The following FGFR1 variants were observed in gnomAD, a reference collection of about 807,000 sequenced individuals.
FGFR1 encodes the protein FGFR1/PLAG1 fusion.
In FGFR1, 18 loss-of-function variants were observed where a neutral mutation model predicts 93.7. That is an observed-to-expected ratio of 0.19 (90% CI 0.13 to 0.28). The LOEUF is 0.28. FGFR1 is among the 10% of genes least tolerant of loss of function. FGFR1 has a pLI of 1.00. For missense variants in FGFR1, 731 were observed against 1,080.4 expected, an observed-to-expected ratio of 0.68 and a Z score of 4.53; for synonymous variants, 448 against 429.3, an observed-to-expected ratio of 1.04 and a Z score of -0.54.
intron 2 of FGFR1, among the ~76,000 whole-genome samples, chr8:38,431,894 G>A (rs1328390472): frequency 1.3e-5 from 2 of 152,142 alleles, no homozygotes; most frequent in Non-Finnish European, 2.9e-5. Context: ...ATGGTCTGTG[G>A]TTTTGCCAAA....
chr8:38,421,780 G>A lies in FGFR1; in HGVS notation c.1081+17C>T. ...TGGCGAGGGCAGGACATCGAGAGGA[G>A]AAGTTACAGTGTGTACCTTCCAGAA... On this transcript the variant is annotated intron_variant, in intron 8 of 17. Transcript: ENST00000447712. The A allele has an allele frequency of 6.2e-7, 1 of 1,614,000 alleles. No homozygotes were observed.
At chr8:38,445,377 G>C (rs1212630573) in intron 2 of FGFR1, among the ~76,000 whole-genome samples, 1 of 152,332 alleles carries the variant, frequency 6.6e-6, no homozygotes, top group East Asian at 1.9e-4. Context: ...ATTCACTTTA[G>C]TGTCATCTTT....
chr8:38,466,672 G>A (rs2151489269), intron 1 of FGFR1: 1 of 225,236 alleles, frequency 4.4e-6, no homozygotes. Flanking sequence ...GTCAAGACAG[G>A]CTGAAGAATC....
In FGFR1 at chr8:38,424,745, T is replaced by C. The variant is rs776168174; in HGVS notation, c.746-46A>G. ...GGCACTTGTCATGGGGACCTTGCCA[T>C]GGCTAAAGAGGGGTGGGCTCACCTG... On this transcript the variant is annotated intron_variant, in intron 6 of 17. Coordinates refer to ENST00000447712, the MANE Select transcript of FGFR1 (RefSeq NM_023110.3). The surrounding 1 kb of genome is among the most constrained non-coding windows in gnomAD (Gnocchi z 4.3). 3.0e-5 allele frequency: 48 copies of C among 1,591,786 alleles called. No individual in the cohort carries two copies. The highest frequency in any genetic ancestry group is 3.7e-5 in the Non-Finnish European group (43 of 1,165,210).
chr8:38,428,948 C>T (rs1431355345), intron 3 of FGFR1: 3 of 306,302 alleles, frequency 9.8e-6, no homozygotes, highest in Non-Finnish European at 1.3e-5. Flanking sequence ...GCACCCACCA[C>T]CCCAGCAGCT....
chr8:38,414,667 C>A (rs1395038125), intron 14 of FGFR1, 38 bp from the exon 15 acceptor site: 1 of 1,613,280 alleles, frequency 6.2e-7, no homozygotes, highest in Non-Finnish European at 8.5e-7. Context: ...TGGCCCCAGG[C>A]AGGGCCATGA....
intron 2 of FGFR1, among the ~76,000 whole-genome samples, chr8:38,456,068 A>T (rs1012571040): frequency 1.3e-5 from 2 of 152,052 alleles, no homozygotes; most frequent in Non-Finnish European, 2.9e-5. Context: ...TTCCCTGTTC[A>T]TCCCCAACTC....
intron 2 of FGFR1, among the ~76,000 whole-genome samples, chr8:38,454,598 C>T (rs1173251285): frequency 6.6e-6 from 1 of 152,192 alleles, no homozygotes; most frequent in Non-Finnish European, 1.5e-5. Flanking sequence ...TCAGTACCTG[C>T]ACTTCCTCTA....
chr8:38,446,028 G>A (rs2151185775), intron 2 of FGFR1, among the ~76,000 whole-genome samples: 1 of 152,210 alleles, frequency 6.6e-6, no homozygotes, highest in East Asian at 1.9e-4. Flanking sequence ...CTGAAGGGCT[G>A]GAGTGCTGAT....
intron 2 of FGFR1, among the ~76,000 whole-genome samples, chr8:38,432,870 C>A (rs1823690800): frequency 1.3e-5 from 2 of 151,982 alleles, no homozygotes; most frequent in African/African-American, 4.8e-5. Context: ...CTCCACCCAG[C>A]CCCATTCTCT....
At chr8:38,441,310 C>T (rs183019180) in intron 2 of FGFR1, among the ~76,000 whole-genome samples, 15 of 152,230 alleles carry the variant, frequency 9.9e-5, no homozygotes, top group East Asian at 1.9e-4. Context: ...ATTTTGCCAC[C>T]TTTCTCCAAT....
intron 13 of FGFR1, 65 bp from the exon 14 acceptor site, chr8:38,414,966 C>T (rs996242692): frequency 1.1e-4 from 163 of 1,420,144 alleles, no homozygotes; most frequent in Non-Finnish European, 1.5e-4. Context: ...TCTGGGCGGC[C>T]GCCACCCATG....
intron 2 of FGFR1, among the ~76,000 whole-genome samples, chr8:38,438,898 C>A (rs1826362330): frequency 6.6e-6 from 1 of 152,120 alleles, no homozygotes; most frequent in South Asian, 2.1e-4. Flanking sequence ...TTCCTCAAGC[C>A]CATAGCTCAT....
At chr8:38,466,107 C>T (rs1835433902) in intron 1 of FGFR1, 1 of 231,508 alleles carries the variant, frequency 4.3e-6, no homozygotes, top group Admixed American at 5.6e-5. Flanking sequence ...TCCAACCCCG[C>T]TTTCAAACCT....
chr8:38,430,019 G>T, intron 2 of FGFR1, 71 bp from the exon 3 acceptor site: 3 of 1,465,214 alleles, frequency 2.0e-6, no homozygotes, highest in Non-Finnish European at 2.8e-6. Context: ...GGGAGGAGGG[G>T]AGAGACAAAG....
At chr8:38,427,615 AGT>A (rs1353646569) in intron 5 of FGFR1, among the ~76,000 whole-genome samples, 2 of 152,220 alleles carry the variant, frequency 1.3e-5, no homozygotes, top group Non-Finnish European at 2.9e-5. Context: ...AATCTTATAC[AGT>A]CATGAAAAAT....
intron 2 of FGFR1, 116 bp downstream of exon 2, chr8:38,457,240 C>G: frequency 8.5e-7 from 1 of 1,182,590 alleles, no homozygotes; most frequent in Non-Finnish European, 1.2e-6. Flanking sequence ...TTCTTTGCTC[C>G]ACTTGGGAAG....
At position 38,467,990 on chromosome 8, in the gene FGFR1, C is replaced by G. The variant is rs1835920722; in HGVS notation, c.-98G>C. 4.6e-6 allele frequency: 1 copy of G among 218,682 alleles called. No homozygotes were observed. Among genetic ancestry groups the G allele is most frequent in the African/African-American group, 2.2e-5 (1 of 44,450 alleles). 13.5% of individuals were successfully genotyped at this position (218,682 alleles called of 1,614,324 possible). ...GCGCCGCGGCTCTTACCTCGCTCGG[C>G]GTGGAGGTTCCGCCTCGGGAGAGTC... On this transcript the variant is annotated 5_prime_UTR_variant, in exon 1 of 18. Transcript: ENST00000447712.
chr8:38,418,600 A>C (rs900365524), intron 9 of FGFR1: 3 of 584,312 alleles, frequency 5.1e-6, no homozygotes, highest in South Asian at 4.1e-5. Flanking sequence ...CTCACCTTTA[A>C]AATAAGCAGA....
Sources: gnomAD v4.1 joint callset for allele counts (sites outside exome capture counted in the v4.1 genomes callset) on GRCh38, gnomAD v4.1.1 for gene constraint, Gnocchi (gnomAD v3.1) non-coding constraint, MANE v1.5 for transcripts, NCBI Gene and HGNC (gene_info 2026-07-23, HGNC 2026-07-21) for gene names.